Variants in APOBEC1 observed in about 807,000 individuals in gnomAD.
APOBEC1 encodes the protein C->U-editing enzyme APOBEC-1.
Under a neutral mutation model 26.3 loss-of-function variants are expected in APOBEC1, and 22 were observed. That is an observed-to-expected ratio of 0.84 (90% confidence interval 0.60 to 1.19). The LOEUF is 1.19. Ranked by LOEUF, APOBEC1 falls within the 50% of genes most tolerant of loss-of-function variation. APOBEC1 has a pLI of 0.00. For synonymous variants in APOBEC1, 77 were observed against 95.3 expected (o/e 0.81, Z 1.12); for missense variants, 253 against 289.0 (o/e 0.88, Z 0.90).
At chr12:7,668,902 T>C (rs1038438255), upstream of APOBEC1, among the ~76,000 whole-genome samples, 2 of 152,106 alleles carry the variant, frequency 1.3e-5, no homozygotes, top group African/African-American at 4.8e-5. Context: ...CAGCTAATTT[T>C]TGTACTTTTA....
chr12:7,649,804 C>T, intron 4 of APOBEC1, 108 bp from the exon 5 acceptor site: 1 of 950,972 alleles, frequency 1.1e-6, no homozygotes, highest in South Asian at 1.8e-5. Context: ...TTAACTATTT[C>T]TTCTTTTTTT....
chr12:7,660,374 A>C (rs1224115647), intron 1 of APOBEC1, among the ~76,000 whole-genome samples: 4 of 103,262 alleles, frequency 3.9e-5, no homozygotes, highest in Non-Finnish European at 8.0e-5. Flanking sequence ...GAAGGAAGGA[A>C]GGAAAGAAAG....
chr12:7,662,018 G>C (rs888872065), intron 1 of APOBEC1, among the ~76,000 whole-genome samples: 28 of 152,172 alleles, frequency 1.8e-4, no homozygotes, highest in African/African-American at 6.0e-4. Flanking sequence ...GCTGAGGCGG[G>C]AGGATTGCTT....
Position 7,664,043 on chromosome 12 carries a change from C to T in APOBEC1, c.16+1814G>A, listed in dbSNP as rs372096689. 2.1e-3 allele frequency among the ~76,000 whole-genome samples: 320 copies of T among 152,010 alleles called. 3 individuals carry two copies. The highest frequency in any genetic ancestry group is 7.3e-3 in the African/African-American group (302 of 41,432). Reference sequence around the variant, plus strand: ...GCTAATTTTGTATTTTTAATAGAGACGTTGTTTCTCCATGTTGGTCAGGCT... The same window carrying T: ...GCTAATTTTGTATTTTTAATAGAGATGTTGTTTCTCCATGTTGGTCAGGCT... On this transcript the variant is annotated intron_variant, in intron 1 of 4. Coordinates refer to ENST00000229304, the MANE Select transcript of APOBEC1 (RefSeq NM_001644.5).
chr12:7,662,802 T>A (rs1348102624), intron 1 of APOBEC1, among the ~76,000 whole-genome samples: 4 of 152,086 alleles, frequency 2.6e-5, no homozygotes, highest in Admixed American at 2.0e-4. Context: ...ACCTGAAGTG[T>A]GGACCTTGAC....
chr12:7,655,389 C>T (rs762783567), intron 1 of APOBEC1, among the ~76,000 whole-genome samples: 1 of 151,864 alleles, frequency 6.6e-6, no homozygotes, highest in Admixed American at 6.6e-5. Flanking sequence ...GTGGCGCATG[C>T]CTGTAATCCC....
In APOBEC1 at chr12:7,655,703, T is replaced by G. The variant is rs189073387; in HGVS notation, c.17-1071A>C. 5.3e-4 allele frequency among the ~76,000 whole-genome samples: 81 copies of G among 152,096 alleles called. 1 individual carries two copies. Among genetic ancestry groups the G allele is most frequent in the South Asian group, 1.2e-3 (6 of 4,820 alleles). Reference sequence around the variant, plus strand: ...TGGTGGGGCTTTGATTTTATATATATAGAGAGAGAGTGCAGTGGCTTATAC... The same window carrying G: ...TGGTGGGGCTTTGATTTTATATATAGAGAGAGAGAGTGCAGTGGCTTATAC... On this transcript the variant is annotated intron_variant, in intron 1 of 4. Transcript: ENST00000229304.
intron 1 of APOBEC1, among the ~76,000 whole-genome samples, chr12:7,657,977 A>T (rs1592059957): frequency 6.6e-6 from 1 of 152,252 alleles, no homozygotes; most frequent in East Asian, 1.9e-4. Context: ...ACAAAAATGC[A>T]TGGACTGATC....
chr12:7,649,450 G>A lies in APOBEC1; in HGVS notation c.*97C>T. On this transcript the variant is annotated 3_prime_UTR_variant, in exon 5 of 5. Transcript: ENST00000229304. ...TTGGTTTAAGCTACAGAGTTTTGGG[G>A]TACCTTGTGAACATTTCTAGATTCT... is the stretch of plus-strand genomic sequence containing the variant. The A allele has an allele frequency of 1.5e-6, 2 of 1,345,046 alleles. No homozygotes were observed. The highest frequency in any genetic ancestry group is 2.1e-6 in the Non-Finnish European group (2 of 972,350). The allele number at this position is 1,345,046 out of a possible 1,614,324, so 83.3% of individuals were successfully genotyped here. A position where few individuals can be genotyped will look rare whatever the true frequency, so the allele number is the denominator to read the frequency against.
chr12:7,667,672 T>C (rs1044896857), upstream of APOBEC1, among the ~76,000 whole-genome samples: 3 of 152,126 alleles, frequency 2.0e-5, no homozygotes, highest in Non-Finnish European at 4.4e-5. Flanking sequence ...CCCAGCACTA[T>C]GAGAGGCAGA....
At chr12:7,659,517 T>C (rs1262009153) in intron 1 of APOBEC1, among the ~76,000 whole-genome samples, 1 of 151,206 alleles carries the variant, frequency 6.6e-6, no homozygotes, top group African/African-American at 2.4e-5. Flanking sequence ...GCTATATGTG[T>C]GTGTATAGGT....
intron 1 of APOBEC1, among the ~76,000 whole-genome samples, chr12:7,660,359 G>GGAAGGAAT: frequency 1.3e-4 from 1 of 7,980 alleles, no homozygotes; most frequent in Non-Finnish European, 1.3e-3. Flanking sequence ...AAGGAAGGAA[G>GGAAGGAAT]GAAGGAAGGA....
chr12:7,652,905 C>T (rs1863664772), intron 2 of APOBEC1, 70 bp from the exon 3 acceptor site: 6 of 1,157,230 alleles, frequency 5.2e-6, no homozygotes, highest in Non-Finnish European at 6.6e-6. Flanking sequence ...TTTCCTGCTC[C>T]CCTCTTCTTT....
intron 2 of APOBEC1, 137 bp from the exon 3 acceptor site, chr12:7,652,972 C>T: frequency 2.6e-6 from 2 of 758,820 alleles, no homozygotes; most frequent in Non-Finnish European, 3.6e-6. Flanking sequence ...CACTGTTGCC[C>T]AGACTGGAGT....
chr12:7,649,510 T>C lies in APOBEC1; in HGVS notation c.*37A>G. On this transcript the variant is annotated 3_prime_UTR_variant, in exon 5 of 5. Transcript: ENST00000229304. ...TCACTCTTTAGTGGGTCATCATTGC[T>C]TGTTCTTGAATCAGTACACACACGG... The C allele has an allele frequency of 6.3e-7, 1 of 1,595,794 alleles. No homozygotes were observed. The highest frequency in any genetic ancestry group is 8.6e-7 in the Non-Finnish European group (1 of 1,168,792).
chr12:7,654,693 A>G (rs1863690010), intron 1 of APOBEC1, 61 bp from the exon 2 acceptor site: 1 of 1,505,302 alleles, frequency 6.6e-7, no homozygotes, highest in South Asian at 1.1e-5. Flanking sequence ...TTGCTAAGAA[A>G]AAGTGCTCTA....
At chr12:7,661,781 G>A (rs977615141) in intron 1 of APOBEC1, among the ~76,000 whole-genome samples, 12 of 152,128 alleles carry the variant, frequency 7.9e-5, no homozygotes, top group Non-Finnish European at 1.8e-4. Context: ...CCTGGAAGGG[G>A]AAAGAGAAAA....
chr12:7,660,367 G>GAAAGAAAGAAA (rs1565442341), intron 1 of APOBEC1, among the ~76,000 whole-genome samples: 3 of 16,806 alleles, frequency 1.8e-4, no homozygotes, highest in Admixed American at 1.0e-3. Flanking sequence ...AAGGAAGGAA[G>GAAAGAAAGAAA]GAAGGAAGGA....
At chr12:7,656,980 G>A (rs1863723407) in intron 1 of APOBEC1, among the ~76,000 whole-genome samples, 1 of 151,888 alleles carries the variant, frequency 6.6e-6, no homozygotes, top group Non-Finnish European at 1.5e-5. Context: ...CCATGCATAT[G>A]CTTATGGATT....
Sources: gnomAD v4.1 joint callset for allele counts (sites outside exome capture counted in the v4.1 genomes callset) on GRCh38, gnomAD v4.1.1 for gene constraint, MANE v1.5 for transcripts, NCBI Gene and HGNC (gene_info 2026-07-23, HGNC 2026-07-21) for gene names.